The following PTPRD variants were observed in gnomAD, a reference collection of about 807,000 sequenced individuals.
PTPRD encodes protein tyrosine phosphatase receptor type D.
Under a neutral mutation model 214.5 loss-of-function variants are expected in PTPRD, and 34 were observed. The observed-to-expected ratio is 0.16, with a 90% CI of 0.12 to 0.21. The LOEUF is 0.21. PTPRD is among the 10% of genes least tolerant of loss of function. The pLI is 1.00. For missense variants in PTPRD, 2,545 were observed against 2,398.7 expected, an observed-to-expected ratio of 1.06 and a Z score of -1.27; for synonymous variants, 1,128 against 845.7, an observed-to-expected ratio of 1.33 and a Z score of -5.79.
chr9:9,499,627 T>C (rs2096333299), intron 8 of PTPRD, among the ~76,000 whole-genome samples: 2 of 152,100 alleles, frequency 1.3e-5, no homozygotes, highest in Non-Finnish European at 2.9e-5. Context: ...CAGACTGGTA[T>C]ATGGGCAAAC....
At chr9:9,669,341 G>A (rs147614965) in intron 7 of PTPRD, among the ~76,000 whole-genome samples, 2 of 152,034 alleles carry the variant, frequency 1.3e-5, no homozygotes, top group East Asian at 1.9e-4. Context: ...GTTCCTGATT[G>A]GTATGGAATT....
intron 2 of PTPRD, among the ~76,000 whole-genome samples, chr9:10,444,604 A>G (rs571267553): frequency 8.2e-4 from 125 of 151,988 alleles, no homozygotes; most frequent in Middle Eastern, 3.4e-3. Flanking sequence ...TATGACAATT[A>G]TATGAAATAT....
chr9:9,183,618 T>C (rs1445212), intron 9 of PTPRD, among the ~76,000 whole-genome samples: 110,663 of 151,888 alleles, frequency 0.73, 40,427 homozygotes, highest in Middle Eastern at 0.8. Context: ...TTCTTTAAAA[T>C]GTTGAATTGA....
intron 7 of PTPRD, among the ~76,000 whole-genome samples, chr9:9,669,658 G>T (rs1217890270): frequency 6.6e-6 from 1 of 152,012 alleles, no homozygotes; most frequent in Non-Finnish European, 1.5e-5. Context: ...TGTCTTTAAT[G>T]AATACATTTA....
chr9:8,570,866 T>C (rs2090924831), intron 14 of PTPRD, among the ~76,000 whole-genome samples: 1 of 151,868 alleles, frequency 6.6e-6, no homozygotes, highest in Non-Finnish European at 1.5e-5. Flanking sequence ...AGAAAATTAA[T>C]GGATAAAGAG....
chr9:10,568,098 T>C (rs1308800945), intron 2 of PTPRD, among the ~76,000 whole-genome samples: 4 of 151,212 alleles, frequency 2.6e-5, no homozygotes, highest in African/African-American at 9.7e-5. Context: ...GTATATCTCC[T>C]AATGCTACCC....
At chr9:9,130,585 C>T (rs976447875) in intron 10 of PTPRD, among the ~76,000 whole-genome samples, 8 of 152,104 alleles carry the variant, frequency 5.3e-5, no homozygotes, top group Non-Finnish European at 1.0e-4. Flanking sequence ...TATATATTCT[C>T]TTTCATCTAT....
intron 12 of PTPRD, among the ~76,000 whole-genome samples, chr9:8,703,119 A>C (rs1032957052): frequency 6.6e-6 from 1 of 152,234 alleles, no homozygotes; most frequent in Non-Finnish European, 1.5e-5. Flanking sequence ...ATGAAAAAGT[A>C]CTTGGGGATT....
intron 2 of PTPRD, among the ~76,000 whole-genome samples, chr9:10,490,685 T>A (rs1241688376): frequency 6.6e-6 from 1 of 152,184 alleles, no homozygotes. Context: ...CCTCCTGTCT[T>A]TAAATCATAT....
At position 9,872,554 on chromosome 9, in the gene PTPRD, T is replaced by C. The variant is rs950995533; in HGVS notation, c.-368+65953A>G. On this transcript the variant is annotated intron_variant, in intron 5 of 45. Coordinates refer to ENST00000381196, the MANE Select transcript of PTPRD (RefSeq NM_002839.4). The stretch of plus-strand genomic sequence containing the variant: ...ATATCGAGGCTATAGTGAGTCACTG[T>C]ACTCCAGCCTGGGCAACAGAGCAAG... Among the ~76,000 whole-genome samples, 15 of 152,042 alleles carry C rather than the reference T, an allele frequency of 9.9e-5. No individual in the cohort carries two copies. In the South Asian group the frequency reaches 3.1e-3, roughly 31 times the overall value.
chr9:8,804,087 G>T (rs1334841554), intron 11 of PTPRD, among the ~76,000 whole-genome samples: 1 of 151,796 alleles, frequency 6.6e-6, no homozygotes, highest in African/African-American at 2.4e-5. Context: ...TTAGTAACTG[G>T]GATTAGAGGG....
At chr9:9,107,611 G>C (rs1046711986) in intron 10 of PTPRD, among the ~76,000 whole-genome samples, 1 of 152,158 alleles carries the variant, frequency 6.6e-6, no homozygotes, top group Admixed American at 6.6e-5. Context: ...TAAAAGGGAG[G>C]AAGTAGGTGA....
At chr9:9,274,019 C>T (rs997309679) in intron 9 of PTPRD, among the ~76,000 whole-genome samples, 20 of 151,226 alleles carry the variant, frequency 1.3e-4, no homozygotes, top group Admixed American at 6.0e-4. Flanking sequence ...ATCCTATAAT[C>T]CAACAAAATG....
intron 34 of PTPRD, among the ~76,000 whole-genome samples, chr9:8,436,986 G>C (rs2095377146): frequency 6.6e-6 from 1 of 152,174 alleles, no homozygotes; most frequent in Admixed American, 6.5e-5. Flanking sequence ...GGAAAAAACT[G>C]ACAGTCAGGC....
intron 7 of PTPRD, among the ~76,000 whole-genome samples, chr9:9,652,012 T>C (rs1260858924): frequency 6.6e-6 from 1 of 151,440 alleles, no homozygotes; most frequent in Non-Finnish European, 1.5e-5. Context: ...TTTTTGTTTT[T>C]TTGTATTTTT....
chr9:9,196,198 C>T (rs1215030144), intron 9 of PTPRD, among the ~76,000 whole-genome samples: 1 of 152,180 alleles, frequency 6.6e-6, no homozygotes, highest in East Asian at 1.9e-4. Flanking sequence ...CGATCCAAAA[C>T]ATGAGTAATT....
intron 2 of PTPRD, among the ~76,000 whole-genome samples, chr9:10,503,209 A>AAAAAAC (rs1555437421): frequency 3.5e-4 from 33 of 92,976 alleles, no homozygotes; most frequent in Non-Finnish European, 5.8e-4. Flanking sequence ...AAAAAAAAAC[A>AAAAAAC]AAAAAAAACA....
At chr9:9,917,658 C>A (rs532047183) in intron 5 of PTPRD, among the ~76,000 whole-genome samples, 1 of 151,880 alleles carries the variant, frequency 6.6e-6, no homozygotes, top group South Asian at 2.1e-4. Context: ...AACTGCAAGC[C>A]AATAGCCTGA....
At chr9:9,380,037 G>C (rs541017107) in intron 9 of PTPRD, among the ~76,000 whole-genome samples, 1 of 151,804 alleles carries the variant, frequency 6.6e-6, no homozygotes, top group Non-Finnish European at 1.5e-5. Context: ...CATTAACTAG[G>C]ACTTCAAATG....
Sources: allele counts gnomAD v4.1 joint callset (sites outside exome capture counted in the v4.1 genomes callset), GRCh38; gene constraint gnomAD v4.1.1; transcripts MANE v1.5; gene names NCBI Gene and HGNC (gene_info 2026-07-23, HGNC 2026-07-21).